CP: variants seen among roughly 807,000 people sequenced by gnomAD.
The protein encoded by CP is ceruloplasmin, also known as caeruloplasmin.
Under a neutral mutation model 122.4 loss-of-function variants are expected in CP, and 64 were observed. The observed-to-expected ratio is 0.52, with a 90% CI of 0.43 to 0.64. CP has a LOEUF of 0.64. Among genes scored for constraint, CP ranks in the 30% least tolerant of loss-of-function variants. The pLI is 0.00. For missense variants in CP, 1,167 were observed against 1,284.4 expected, an observed-to-expected ratio of 0.91 and a Z score of 1.40; for synonymous variants, 440 against 436.4, an observed-to-expected ratio of 1.01 and a Z score of -0.10.
chr3:149,164,416 G>C (rs1724205290), intron 5 of CP, among the ~76,000 whole-genome samples: 1 of 152,172 alleles, frequency 6.6e-6, no homozygotes, highest in African/African-American at 2.4e-5. Context: ...TTTCAGAAAT[G>C]AGGGGGATGA....
At chr3:149,176,141 A>C in intron 18 of CP, 109 bp downstream of exon 18, 1 of 1,087,882 alleles carries the variant, frequency 9.2e-7, no homozygotes, top group Non-Finnish European at 1.4e-6. Context: ...CAGCAGATTC[A>C]CAAATGCTTC....
intron 1 of CP, among the ~76,000 whole-genome samples, chr3:149,213,504 C>T (rs930422520): frequency 6.6e-6 from 1 of 152,158 alleles, no homozygotes; most frequent in African/African-American, 2.4e-5. Context: ...GCTTATATAG[C>T]CCAGTGGGAT....
chr3:149,196,926 T>G (rs927321899), intron 9 of CP, among the ~76,000 whole-genome samples: 9 of 152,188 alleles, frequency 5.9e-5, no homozygotes, highest in Non-Finnish European at 1.2e-4. Context: ...CTGCCCCACC[T>G]TAACTGATGA....
At chr3:149,186,241 G>C in intron 11 of CP, 1 of 472,390 alleles carries the variant, frequency 2.1e-6, no homozygotes, top group South Asian at 2.2e-5. Flanking sequence ...TCTTTAAAAG[G>C]ACCATAATCT....
rs947265877 is a variant in CP, at chr3:149,209,367, T to C, written c.625A>G (p.Lys209Glu). 7 of 1,613,554 alleles carry C rather than the reference T, an allele frequency of 4.3e-6. No homozygotes were observed. Among genetic ancestry groups the C allele is most frequent in the Admixed American group, 3.3e-5 (2 of 59,996 alleles). Residue 209 changes from lysine to glutamate, a missense_variant, in exon 4 of 19, where the codon AAA (lysine) becomes GAA (glutamate). Around this residue, in one of 2 missense-constraint regions of CP, gnomAD observed 642 missense variants for 627.3 expected, o/e 1.02. Transcript: ENST00000264613. ...ICKKDSLDKE[K>E]EKHIDREFVV... The stretch of plus-strand genomic sequence containing the variant: ...AATTCTCGGTCAATATGTTTTTCTT[T>C]TTCTTTATCTAGAGAATCTGGAGTT...
At position 149,202,087 on chromosome 3, in the gene CP, TC is replaced by T. The variant is rs1288717898; in HGVS notation, c.1348+14del. The T allele has an allele frequency of 6.2e-7, 1 of 1,613,866 alleles. No homozygotes were observed. The highest frequency in any genetic ancestry group is 2.2e-5 in the East Asian group (1 of 44,896). Reference sequence around the variant, plus strand: ...GGAAGAGTAAACCAGCCATATATATTCTGCAAGAACTCACCCAGGATGCCAA... The same window carrying T: ...GGAAGAGTAAACCAGCCATATATATTTGCAAGAACTCACCCAGGATGCCAA... On this transcript the variant is annotated intron_variant, in intron 7 of 18. Coordinates refer to ENST00000264613, the MANE Select transcript of CP (RefSeq NM_000096.4).
In CP at chr3:149,208,081, T is replaced by C. The variant is rs1469687657; in HGVS notation, c.782-464A>G. Among the ~76,000 whole-genome samples the C allele has an allele frequency of 3.3e-5, 5 of 152,160 alleles. No individual in the cohort carries two copies. The East Asian group carries it at 7.7e-4, about 23-fold the overall frequency. On this transcript the variant is annotated intron_variant, in intron 4 of 18. Coordinates refer to ENST00000264613, the MANE Select transcript of CP (RefSeq NM_000096.4). Reference sequence around the variant, plus strand: ...TACCATAAATTTATTTTGTAAAAAGTACATAAGAATAGCTTTTTTTTAAAG... The same window carrying C: ...TACCATAAATTTATTTTGTAAAAAGCACATAAGAATAGCTTTTTTTTAAAG...
Position 149,199,702 on chromosome 3 carries a change from G to C in CP, c.1501+10C>G, listed in dbSNP as rs1335189996. 6.2e-7 allele frequency: 1 copy of C among 1,613,892 alleles called. No individual in the cohort carries two copies. ...CATTGTTGATTTGTTACACAGTGCT[G>C]TATACTCACTTCTGCTCTGGGGGTT... is the stretch of plus-strand genomic sequence containing the variant. On this transcript the variant is annotated intron_variant, in intron 8 of 18. Transcript: ENST00000264613.
chr3:149,188,489 C>CAA (rs1559942731), intron 9 of CP, among the ~76,000 whole-genome samples: 33 of 6,642 alleles, frequency 5.0e-3, no homozygotes, highest in Non-Finnish European at 0.011. Flanking sequence ...ATTGAAGCCT[C>CAA]CAAAAAAAAA....
At chr3:149,188,498 A>AAAAAAAAAAAAAAAAAAAAAAAAAT (rs1559942794) in intron 9 of CP, among the ~76,000 whole-genome samples, 1 of 135,494 alleles carries the variant, frequency 7.4e-6, no homozygotes, top group Non-Finnish European at 1.7e-5. Context: ...TCCAAAAAAA[A>AAAAAAAAAAAAAAAAAAAAAAAAAT]AAAAAAAAAA....
chr3:149,198,632 T>G, intron 8 of CP, 54 bp from the exon 9 acceptor site: 2 of 1,507,246 alleles, frequency 1.3e-6, no homozygotes, highest in Non-Finnish European at 9.2e-7. Flanking sequence ...CGTGGTCATT[T>G]GAGCCACAAA....
At chr3:149,183,347 A>G in intron 13 of CP, 119 bp downstream of exon 13, 1 of 1,027,286 alleles carries the variant, frequency 9.7e-7, no homozygotes. Context: ...TTAAATTTTT[A>G]TTTGAACAAC....
chr3:149,164,812 C>G (rs1724244833), intron 5 of CP, among the ~76,000 whole-genome samples: 1 of 152,178 alleles, frequency 6.6e-6, no homozygotes, highest in South Asian at 2.1e-4. Flanking sequence ...GGCATCCTGA[C>G]CCAAATGCTG....
chr3:149,207,712 A>C, intron 4 of CP, 95 bp from the exon 5 acceptor site: 1 of 1,326,342 alleles, frequency 7.5e-7, no homozygotes, highest in Non-Finnish European at 1.1e-6. Flanking sequence ...TGGAATGGCA[A>C]ATATCTGGCA....
chr3:149,182,863 T>C (rs1725875447), intron 13 of CP, among the ~76,000 whole-genome samples: 1 of 152,062 alleles, frequency 6.6e-6, no homozygotes, highest in Non-Finnish European at 1.5e-5. Context: ...TTAAGAATTT[T>C]ATTAGGGCCA....
chr3:149,190,413 T>G (rs1726466308), intron 9 of CP, among the ~76,000 whole-genome samples: 1 of 152,138 alleles, frequency 6.6e-6, no homozygotes, highest in African/African-American at 2.4e-5. Flanking sequence ...ATCCCAGCAC[T>G]TTGGGAGACC....
intron 4 of CP, among the ~76,000 whole-genome samples, chr3:149,166,296 A>C (rs566407996): frequency 6.6e-5 from 10 of 152,304 alleles, no homozygotes; most frequent in African/African-American, 2.2e-4. Flanking sequence ...AGTCTTATTA[A>C]GTGTTAAATT....
chr3:149,167,205 C>A, intron 4 of CP: 1 of 1,613,650 alleles, frequency 6.2e-7, no homozygotes, highest in Admixed American at 1.7e-5. Context: ...GGCAGTCATT[C>A]CATATGCTAA....
In CP at chr3:149,186,691, T is replaced by C. The variant is rs748513135; in HGVS notation, c.1906A>G (p.Met636Val). 2 of 1,614,160 alleles carry C rather than the reference T, an allele frequency of 1.2e-6. No homozygotes were observed. Among genetic ancestry groups the C allele is most frequent in the South Asian group, 2.2e-5 (2 of 91,078 alleles). ...CACACGACCGAATCTCCTTTGCACATAGTGAGACCCGGCTGATTCCCATAC... is the reference window on the plus strand; with the variant it reads ...CACACGACCGAATCTCCTTTGCACACAGTGAGACCCGGCTGATTCCCATAC... ...FMYGNQPGLT[M>V]CKGDSVVWYL... Residue 636 changes from methionine to valine, a missense_variant, in exon 11 of 19, where the codon ATG becomes GTG. Met to Val is a conservative substitution (Grantham distance 21). Around this residue, in one of 2 missense-constraint regions of CP, gnomAD observed 525 missense variants for 657.2 expected, o/e 0.80. Transcript: ENST00000264613.
Sources: gnomAD v4.1 joint callset for allele counts (sites outside exome capture counted in the v4.1 genomes callset) on GRCh38, gnomAD v4.1.1 for gene constraint, gnomAD v4.1.1 regional missense constraint, MANE v1.5 for transcripts, NCBI Gene and HGNC (gene_info 2026-07-23, HGNC 2026-07-21) for gene names.